SNRPB2: variants seen among roughly 807,000 people sequenced by gnomAD.
SNRPB2 encodes the protein small nuclear ribonucleoprotein polypeptide B2.
Under a neutral mutation model 26.3 loss-of-function variants are expected in SNRPB2, and 16 were observed. That is an observed-to-expected ratio of 0.61 (90% confidence interval 0.41 to 0.92). The LOEUF (loss-of-function observed/expected upper bound fraction) is 0.92. Ranked by LOEUF, SNRPB2 falls within the 40% of genes least tolerant of loss-of-function variation. The pLI is 0.00. For missense variants in SNRPB2, 179 were observed against 268.1 expected (o/e 0.67, Z 2.32); for synonymous variants, 75 against 89.0 (o/e 0.84, Z 0.88).
At chr20:16,735,089 G>A (rs1265230808) in intron 3 of SNRPB2, among the ~76,000 whole-genome samples, 3 of 152,152 alleles carry the variant, frequency 2.0e-5, no homozygotes, top group Non-Finnish European at 4.4e-5. Flanking sequence ...GGGATTCTGA[G>A]GTGTGGGTTT....
chr20:16,741,041 A>G lies in SNRPB2; in HGVS notation c.*36A>G, dbSNP rs746170581. The stretch of plus-strand genomic sequence containing the variant: ...AGTCGTCTTTAAAAGACTTGGTGTT[A>G]TTTACAGTGTTTGTTTTGATAACAT... On this transcript the variant is annotated 3_prime_UTR_variant, in exon 7 of 7. Coordinates refer to ENST00000246071, the MANE Select transcript of SNRPB2 (RefSeq NM_003092.5). 2.0e-6 allele frequency: 3 copies of G among 1,481,932 alleles called. No homozygotes were observed. The highest frequency in any genetic ancestry group is 2.8e-6 in the Non-Finnish European group (3 of 1,079,998). 91.8% of individuals were successfully genotyped at this position (1,481,932 alleles called of 1,614,324 possible). A position where few individuals can be genotyped will look rare whatever the true frequency, so the allele number is the denominator to read the frequency against.
Position 16,737,306 on chromosome 20 carries a change from C to G in SNRPB2, c.283C>G (p.Arg95Gly), listed in dbSNP as rs377685264. Residue 95 changes from arginine (R) to glycine (G), a missense_variant, in exon 4 of 7, where the codon CGT becomes GGT. By Grantham distance (125) the Arg-to-Gly change is moderately radical. This residue lies in a region of SNRPB2 where 145 missense variants were observed against 180.7 expected (regional missense o/e 0.80). Transcript: ENST00000246071. ...KTDSDIISKM[R>G]GTFADKEKKK... ...AGATTCGGATATAATATCAAAAATGCGTGGAACTTTTGCTGACAAAGAAAA... is the reference window on the plus strand; with the variant it reads ...AGATTCGGATATAATATCAAAAATGGGTGGAACTTTTGCTGACAAAGAAAA... The G allele has an allele frequency of 6.2e-7, 1 of 1,602,214 alleles. No individual in the cohort carries two copies.
chr20:16,732,905 G>C (rs2072402302), intron 3 of SNRPB2, among the ~76,000 whole-genome samples: 1 of 152,202 alleles, frequency 6.6e-6, no homozygotes, highest in South Asian at 2.1e-4. Context: ...CGCATTGTGG[G>C]AGGGACAGAA....
At position 16,740,946 on chromosome 20, in the gene SNRPB2, T is replaced by C. The variant is rs764133754; in HGVS notation, c.619T>C (p.Leu207=). The change falls in exon 7 of 7, where the codon TTA becomes CTA. Residue 207 remains leucine (L), a synonymous_variant. Transcript: ENST00000246071. ...DGQAGAARDA[L]QGFKITPSHA... is the part of the protein sequence containing the mutation. The stretch of plus-strand genomic sequence containing the variant: ...GCAGGCTGGAGCTGCCAGGGATGCT[T>C]TACAGGGATTTAAGATCACACCGTC... The C allele has an allele frequency of 6.2e-7, 1 of 1,612,928 alleles. No individual in the cohort carries two copies. Among genetic ancestry groups the C allele is most frequent in the East Asian group, 2.2e-5 (1 of 44,862 alleles).
intron 3 of SNRPB2, among the ~76,000 whole-genome samples, chr20:16,732,954 G>A (rs1361400163): frequency 6.6e-6 from 1 of 152,228 alleles, no homozygotes; most frequent in African/African-American, 2.4e-5. Context: ...CTTGATGTAA[G>A]TCAGAGATGG....
rs1460464097 is a variant in SNRPB2 at position 16,740,985 on chromosome 20, A to G, written c.658A>G (p.Ile220Val). ...GATCACACCGTCCCATGCTATGAAGATCACCTATGCCAAGAAATAACATTT... is the reference window on the plus strand; with the variant it reads ...GATCACACCGTCCCATGCTATGAAGGTCACCTATGCCAAGAAATAACATTT... ...FKITPSHAMK[I>V]TYAKK Residue 220 changes from isoleucine to valine, a missense_variant, in exon 7 of 7, where the codon ATC becomes GTC. Ile to Val is a conservative substitution (Grantham distance 29). Coordinates refer to ENST00000246071, the MANE Select transcript of SNRPB2 (RefSeq NM_003092.5). 3.7e-6 allele frequency: 6 copies of G among 1,610,706 alleles called. No homozygotes were observed. The highest frequency in any genetic ancestry group is 4.2e-6 in the Non-Finnish European group (5 of 1,177,708).
intron 4 of SNRPB2, among the ~76,000 whole-genome samples, chr20:16,738,436 T>TC (rs1295086566): frequency 8.1e-6 from 1 of 122,934 alleles, no homozygotes; most frequent in Non-Finnish European, 1.6e-5. Context: ...AGAGCAAGAC[T>TC]CCATCTCAAA....
intron 3 of SNRPB2, among the ~76,000 whole-genome samples, chr20:16,736,749 C>T (rs2072428682): frequency 6.6e-6 from 1 of 152,180 alleles, no homozygotes; most frequent in African/African-American, 2.4e-5. Flanking sequence ...GGGCATTTGG[C>T]CTCCAGTGGG....
chr20:16,737,164 C>T, intron 3 of SNRPB2, 97 bp from the exon 4 acceptor site: 1 of 931,014 alleles, frequency 1.1e-6, no homozygotes, highest in South Asian at 2.2e-5. Context: ...TTAAAATTAG[C>T]TTGTAGTGTA....
At chr20:16,738,052 G>GA (rs775932619) in intron 4 of SNRPB2, among the ~76,000 whole-genome samples, 28,044 of 127,526 alleles carry the variant, frequency 0.22, 3,247 homozygotes, top group African/African-American at 0.33. Context: ...AAAAAAAAAA[G>GA]AAAAAAAAAA....
chr20:16,738,729 A>G (rs888463217), intron 4 of SNRPB2, 123 bp from the exon 5 acceptor site: 4 of 673,530 alleles, frequency 5.9e-6, no homozygotes, highest in Non-Finnish European at 1.1e-5. Flanking sequence ...GTAAAATTAA[A>G]TGGAGTAAGA....
At chr20:16,738,978 A>G (rs1568755203) in intron 5 of SNRPB2, 76 bp downstream of exon 5, 1 of 949,004 alleles carries the variant, frequency 1.1e-6, no homozygotes, top group Non-Finnish European at 1.7e-6. Context: ...AACAATTTCC[A>G]TGTCTCCAAA....
intron 4 of SNRPB2, among the ~76,000 whole-genome samples, chr20:16,738,007 C>G (rs1417629599): frequency 6.8e-6 from 1 of 148,022 alleles, no homozygotes; most frequent in African/African-American, 2.5e-5. Flanking sequence ...CCACTGAACT[C>G]CAGCCTGGGC....
intron 2 of SNRPB2, 67 bp downstream of exon 2, chr20:16,731,833 T>G: frequency 6.3e-7 from 1 of 1,599,550 alleles, no homozygotes; most frequent in Non-Finnish European, 8.5e-7. Flanking sequence ...TTAAAAATTG[T>G]ACTGCCTCAA....
At chr20:16,734,250 C>T (rs2072411318) in intron 3 of SNRPB2, among the ~76,000 whole-genome samples, 1 of 152,112 alleles carries the variant, frequency 6.6e-6, no homozygotes. Flanking sequence ...TATTCTTTTC[C>T]TACAGAAAGG....
chr20:16,740,480 G>T (rs2072456127), intron 6 of SNRPB2, 67 bp downstream of exon 6: 2 of 1,583,980 alleles, frequency 1.3e-6, no homozygotes, highest in South Asian at 1.1e-5. Flanking sequence ...ACTTCCGTGG[G>T]TTGAATCCAT....
chr20:16,731,985 A>G (rs537496838), intron 2 of SNRPB2, among the ~76,000 whole-genome samples, 179 bp from the exon 3 acceptor site: 1 of 152,350 alleles, frequency 6.6e-6, no homozygotes, highest in South Asian at 2.1e-4. Context: ...TAATGGTTTC[A>G]TATAACTTTT....
intron 3 of SNRPB2, 47 bp from the exon 4 acceptor site, chr20:16,737,214 A>G: frequency 6.7e-7 from 1 of 1,484,434 alleles, no homozygotes; most frequent in South Asian, 1.3e-5. Flanking sequence ...ACTAGTGTAA[A>G]CATCCTTCAG....
intron 2 of SNRPB2, 32 bp downstream of exon 2, chr20:16,731,798 T>TA: frequency 6.2e-7 from 1 of 1,610,066 alleles, no homozygotes; most frequent in African/African-American, 1.3e-5. Context: ...TGTTCACTAC[T>TA]AAAATGTGTT....
Sources: gnomAD v4.1 joint callset for allele counts (sites outside exome capture counted in the v4.1 genomes callset) on GRCh38, gnomAD v4.1.1 for gene constraint, gnomAD v4.1.1 regional missense constraint, MANE v1.5 for transcripts, NCBI Gene and HGNC (gene_info 2026-07-23, HGNC 2026-07-21) for gene names.